The following GALNT7 variants were observed in gnomAD, a reference collection of about 807,000 sequenced individuals.
GALNT7 encodes N-acetylgalactosaminyltransferase 7.
In GALNT7, 60 loss-of-function variants were observed where a neutral mutation model predicts 82.1. The ratio of observed to expected loss-of-function variants is 0.73; its 90% CI spans 0.59 to 0.91. The LOEUF is 0.91. Among genes scored for constraint, GALNT7 ranks in the 40% least tolerant of loss-of-function variants. The probability of loss-of-function intolerance (pLI) is 0.00; values close to 1 mark genes in which losing one functional copy is unlikely to be tolerated. For synonymous variants in GALNT7, 243 were observed against 275.1 expected (o/e 0.88, Z 1.15); for missense variants, 660 against 804.2 (o/e 0.82, Z 2.17).
At chr4:173,248,978 A>G (rs1734757785) in intron 2 of GALNT7, among the ~76,000 whole-genome samples, 1 of 152,154 alleles carries the variant, frequency 6.6e-6, no homozygotes, top group Non-Finnish European at 1.5e-5. Context: ...ACACTTTACT[A>G]TATGCAAAAG....
At chr4:173,172,481 T>G (rs746033853) in intron 1 of GALNT7, among the ~76,000 whole-genome samples, 5 of 152,156 alleles carry the variant, frequency 3.3e-5, no homozygotes, top group Admixed American at 6.5e-5. Flanking sequence ...CAGCTTTAGG[T>G]GTTTTCTATC....
rs1478565556 is a variant in GALNT7 at position 173,298,225 on chromosome 4, G to A, written c.1076G>A (p.Ser359Asn). 1 of 1,612,526 alleles carries A rather than the reference G, an allele frequency of 6.2e-7. No individual in the cohort carries two copies. Among genetic ancestry groups the A allele is most frequent in the Admixed American group, 1.7e-5 (1 of 59,766 alleles). ...DGYARGAWDW[S>N]MLWKRVPLTP... is the part of the protein sequence containing the mutation. ...TATGCCCGAGGAGCATGGGATTGGA[G>A]TATGCTCTGGAAACGGGTGCCTCTG... The change falls in exon 6 of 12, where the codon AGT becomes AAT. Residue 359 changes from serine (S) to asparagine (N), a missense_variant. Around this residue, in one of 2 missense-constraint regions of GALNT7, gnomAD observed 527 missense variants for 683.5 expected, o/e 0.77. Coordinates refer to ENST00000265000, the MANE Select transcript of GALNT7 (RefSeq NM_017423.3).
chr4:173,301,087 A>G (rs544569191), intron 6 of GALNT7, among the ~76,000 whole-genome samples: 4 of 152,116 alleles, frequency 2.6e-5, no homozygotes, highest in Non-Finnish European at 4.4e-5. Context: ...GTGAGCCGCA[A>G]TCATGCCACT....
intron 2 of GALNT7, among the ~76,000 whole-genome samples, chr4:173,283,234 T>G (rs188247111): frequency 6.6e-6 from 1 of 152,370 alleles, no homozygotes; most frequent in East Asian, 1.9e-4. Context: ...AAATAGACTT[T>G]AGTTTTAAAC....
At chr4:173,229,815 A>G (rs1733969230) in intron 1 of GALNT7, among the ~76,000 whole-genome samples, 1 of 152,124 alleles carries the variant, frequency 6.6e-6, no homozygotes, top group African/African-American at 2.4e-5. Context: ...TCAGTATTCA[A>G]TGAAATACTT....
At chr4:173,289,740 A>G (rs1422403308) in intron 2 of GALNT7, among the ~76,000 whole-genome samples, 3 of 152,268 alleles carry the variant, frequency 2.0e-5, no homozygotes, top group East Asian at 3.9e-4. Context: ...CTCACTAATT[A>G]TGGAAAGAAC....
At chr4:173,172,862 AAGG>A (rs1169809421) in intron 1 of GALNT7, among the ~76,000 whole-genome samples, 1 of 152,158 alleles carries the variant, frequency 6.6e-6, no homozygotes, top group African/African-American at 2.4e-5. Context: ...AGTCCATGCT[AAGG>A]AGGAGATCTT....
intron 1 of GALNT7, among the ~76,000 whole-genome samples, chr4:173,222,553 T>A (rs1343257085): frequency 6.6e-6 from 1 of 152,216 alleles, no homozygotes; most frequent in Non-Finnish European, 1.5e-5. Flanking sequence ...ATTTAGCCAT[T>A]CTAAACACTT....
At chr4:173,244,902 C>A (rs941362617) in intron 1 of GALNT7, among the ~76,000 whole-genome samples, 2 of 151,748 alleles carry the variant, frequency 1.3e-5, no homozygotes, top group Non-Finnish European at 2.9e-5. Flanking sequence ...GGTTTCAGTC[C>A]CTGAAGTAAG....
chr4:173,295,605 G>GT (rs769799544), intron 4 of GALNT7, 79 bp downstream of exon 4: 507 of 1,413,472 alleles, frequency 3.6e-4, no homozygotes, highest in Non-Finnish European at 4.4e-4. Context: ...TCATTCTTCA[G>GT]TTTTTTTAAT....
intron 1 of GALNT7, among the ~76,000 whole-genome samples, chr4:173,191,070 A>C (rs1260248895): frequency 1.3e-5 from 2 of 152,188 alleles, no homozygotes; most frequent in Admixed American, 6.5e-5. Context: ...ACTGAAAAAA[A>C]AAAAATGGAA....
At position 173,266,848 on chromosome 4, in the gene GALNT7, G is replaced by A. The variant is rs553214014; in HGVS notation, c.587+18408G>A. 2.7e-5 allele frequency among the ~76,000 whole-genome samples: 4 copies of A among 147,038 alleles called. No homozygotes were observed. The South Asian group carries it at 8.9e-4, about 33-fold the overall frequency. On this transcript the variant is annotated intron_variant, in intron 2 of 11. Transcript: ENST00000265000. Reference sequence around the variant, plus strand: ...TCATGGAGGTAGAGAGTATAATGACGGCTACCTGAGGCTGGGAAGGGTGTG... The same window carrying A: ...TCATGGAGGTAGAGAGTATAATGACAGCTACCTGAGGCTGGGAAGGGTGTG...
At chr4:173,257,969 C>A (rs1054323395) in intron 2 of GALNT7, among the ~76,000 whole-genome samples, 2 of 152,196 alleles carry the variant, frequency 1.3e-5, no homozygotes, top group Non-Finnish European at 2.9e-5. Context: ...AAGCTGCAGG[C>A]CTGCTGGAGT....
intron 1 of GALNT7, among the ~76,000 whole-genome samples, chr4:173,224,854 T>TA (rs1733763312): frequency 6.6e-6 from 1 of 150,880 alleles, no homozygotes; most frequent in Non-Finnish European, 1.5e-5. Context: ...CTACTAAAAA[T>TA]TAAAAAAAAA....
rs192370685 is a variant in GALNT7, at chr4:173,286,244, G to A, written c.588-5864G>A. ...ACTACCTTTTCACAATCATGTTCAA[G>A]TTCTCCAGTTTCCTTTGGGAGAAAA... On this transcript the variant is annotated intron_variant, in intron 2 of 11. Transcript: ENST00000265000. Among the ~76,000 whole-genome samples, 76 of 152,312 alleles carry A rather than the reference G, an allele frequency of 5.0e-4. 1 individual carries two copies. The South Asian group carries it at 7.7e-3, about 15-fold the overall frequency.
At chr4:173,198,348 G>T (rs1002226269) in intron 1 of GALNT7, among the ~76,000 whole-genome samples, 1 of 151,974 alleles carries the variant, frequency 6.6e-6, no homozygotes, top group Non-Finnish European at 1.5e-5. Context: ...GATTACAGGC[G>T]TGAGCCACCG....
chr4:173,306,861 T>G (rs193219726), intron 8 of GALNT7, among the ~76,000 whole-genome samples: 97 of 152,344 alleles, frequency 6.4e-4, no homozygotes, highest in Admixed American at 5.2e-3. Context: ...ATTTTTCAGT[T>G]TCTTATTGAC....
At chr4:173,190,295 C>T (rs529798565) in intron 1 of GALNT7, among the ~76,000 whole-genome samples, 5 of 152,288 alleles carry the variant, frequency 3.3e-5, no homozygotes, top group East Asian at 1.9e-4. Context: ...TTCACCTGTA[C>T]GTGTCACTTT....
chr4:173,257,054 T>C (rs1735062982), intron 2 of GALNT7, among the ~76,000 whole-genome samples: 1 of 152,248 alleles, frequency 6.6e-6, no homozygotes, highest in Non-Finnish European at 1.5e-5. Context: ...ACTCTTTACA[T>C]TTACACATGT....
Sources: gnomAD v4.1 joint callset for allele counts (sites outside exome capture counted in the v4.1 genomes callset) on GRCh38, gnomAD v4.1.1 for gene constraint, gnomAD v4.1.1 regional missense constraint, MANE v1.5 for transcripts, NCBI Gene and HGNC (gene_info 2026-07-23, HGNC 2026-07-21) for gene names.